The following PCDH15 variants were observed in gnomAD, a reference collection of about 807,000 sequenced individuals.
The protein encoded by PCDH15 is protocadherin-15.
A neutral mutation model predicts 178.5 loss-of-function variants in PCDH15; 129 were observed. The ratio of observed to expected loss-of-function variants is 0.72; its 90% confidence interval spans 0.63 to 0.84. The LOEUF (loss-of-function observed/expected upper bound fraction) is 0.84. Ranked by LOEUF, PCDH15 falls within the 40% of genes least tolerant of loss-of-function variation. The probability of loss-of-function intolerance (pLI) is 0.00; values close to 1 mark genes in which losing one functional copy is unlikely to be tolerated. For synonymous variants in PCDH15, 800 were observed against 732.0 expected (o/e 1.09, Z -1.50); for missense variants, 2,230 against 2,099.9 (o/e 1.06, Z -1.21).
chr10:55,608,191 T>C (rs1322386630), intron 2 of PCDH15, among the ~76,000 whole-genome samples: 1 of 150,590 alleles, frequency 6.6e-6, no homozygotes, highest in African/African-American at 2.4e-5. Flanking sequence ...ACACAGCGAG[T>C]GACTATAATT....
At chr10:53,943,509 AC>A (rs1474762582) in intron 23 of PCDH15, among the ~76,000 whole-genome samples, 12 of 152,100 alleles carry the variant, frequency 7.9e-5, no homozygotes, top group Admixed American at 1.3e-4. Context: ...AACAAAAAAA[AC>A]AAAACAGAAA....
At chr10:55,596,439 C>A (rs1161622174) in intron 2 of PCDH15, among the ~76,000 whole-genome samples, 1 of 152,034 alleles carries the variant, frequency 6.6e-6, no homozygotes, top group African/African-American at 2.4e-5. Flanking sequence ...AAAGTTTCAA[C>A]TCTGCACCAT....
chr10:54,509,450 TC>T (rs1288879546), intron 3 of PCDH15, among the ~76,000 whole-genome samples: 2 of 152,122 alleles, frequency 1.3e-5, no homozygotes, highest in African/African-American at 4.8e-5. Context: ...GATCTGTGAG[TC>T]CATTAAACCT....
At chr10:55,394,830 T>C (rs1156657091) in intron 2 of PCDH15, among the ~76,000 whole-genome samples, 1 of 152,148 alleles carries the variant, frequency 6.6e-6, no homozygotes, top group Admixed American at 6.6e-5. Flanking sequence ...TTTGTCTCTA[T>C]ACATGTGCTC....
At position 54,244,240 on chromosome 10, in the gene PCDH15, A is replaced by G. The variant is rs149469493; in HGVS notation, c.877-7309T>C. 7.7e-3 allele frequency among the ~76,000 whole-genome samples: 1,167 copies of G among 152,216 alleles called. 10 individuals are homozygous for G. The highest frequency in any genetic ancestry group is 0.026 in the African/African-American group (1,093 of 41,532). On this transcript the variant is annotated intron_variant, in intron 8 of 37. Transcript: ENST00000644397. ...ATAATGTGACTGAATTTGTTTCCAA[A>G]ATGTGCATTTCAGTATCCTCTCAAT...
At position 55,603,917 on chromosome 10, in the gene PCDH15, A is replaced by G. The variant is rs1354176599; in HGVS notation, c.-156+23708T>C. 2.1e-5 allele frequency among the ~76,000 whole-genome samples: 3 copies of G among 145,820 alleles called. No individual in the cohort carries two copies. The East Asian group carries it at 6.1e-4, about 29-fold the overall frequency. On this transcript the variant is annotated intron_variant, in intron 2 of 5. Transcript: ENST00000613346. ...CAGTATTAACTTTAAATGTAAATGG[A>G]CTAAATGCTCCAATTAAAAGACACA...
At chr10:55,538,526 CTTCCTTCCTCCT>C (rs1564442044) in intron 2 of PCDH15, among the ~76,000 whole-genome samples, 12 of 136,172 alleles carry the variant, frequency 8.8e-5, no homozygotes, top group Admixed American at 7.3e-5. Flanking sequence ...TCCTTCCTCC[CTTCCTTCCTCCT>C]TTCCTTCCTT....
chr10:55,179,710 T>C (rs1313478051), intron 1 of PCDH15, among the ~76,000 whole-genome samples: 2 of 151,926 alleles, frequency 1.3e-5, no homozygotes, highest in Admixed American at 6.6e-5. Context: ...CTCTTGGTTG[T>C]GGGACAAGAA....
At chr10:54,912,460 G>A (rs893753739) in intron 2 of PCDH15, among the ~76,000 whole-genome samples, 1 of 152,082 alleles carries the variant, frequency 6.6e-6, no homozygotes, top group Admixed American at 6.6e-5. Context: ...CCTGCTCCAC[G>A]AGGTGAAGAT....
intron 21 of PCDH15, among the ~76,000 whole-genome samples, chr10:53,982,269 T>C (rs900716120): frequency 5.9e-5 from 9 of 152,194 alleles, no homozygotes; most frequent in African/African-American, 2.2e-4. Flanking sequence ...TGGCGATTCC[T>C]CAGGGATCTA....
chr10:54,334,142 A>C (rs1655761193), intron 6 of PCDH15, among the ~76,000 whole-genome samples: 1 of 152,184 alleles, frequency 6.6e-6, no homozygotes, highest in African/African-American at 2.4e-5. Flanking sequence ...CACACGCCCC[A>C]AACACCTGGC....
At chr10:54,552,110 G>A (rs2086682910) in intron 2 of PCDH15, among the ~76,000 whole-genome samples, 2 of 151,954 alleles carry the variant, frequency 1.3e-5, no homozygotes, top group African/African-American at 4.8e-5. Flanking sequence ...TCCCTGCTAT[G>A]TTTATTTTAC....
chr10:55,455,943 T>C (rs186244974), intron 2 of PCDH15, among the ~76,000 whole-genome samples: 2 of 152,260 alleles, frequency 1.3e-5, no homozygotes, highest in African/African-American at 2.4e-5. Context: ...TCCTACGTAA[T>C]GAACTACAAC....
chr10:54,501,847 G>A (rs1347454468), intron 3 of PCDH15, among the ~76,000 whole-genome samples: 2 of 151,884 alleles, frequency 1.3e-5, no homozygotes, highest in Admixed American at 1.3e-4. Flanking sequence ...GGTTTTTAAT[G>A]TGTTATGATA....
chr10:55,461,346 G>A (rs963532432), intron 2 of PCDH15, among the ~76,000 whole-genome samples: 6 of 152,116 alleles, frequency 3.9e-5, no homozygotes, highest in African/African-American at 1.4e-4. Context: ...TAAATACAGT[G>A]CCTATTACAC....
intron 1 of PCDH15, among the ~76,000 whole-genome samples, chr10:54,756,720 A>AAGAGAGAG (rs61202887): frequency 7.3e-5 from 11 of 150,854 alleles, no homozygotes; most frequent in East Asian, 3.9e-4. Context: ...ATGTATGTGA[A>AAGAGAGAG]AGAGAGAGAG....
intron 21 of PCDH15, among the ~76,000 whole-genome samples, chr10:53,974,864 A>G (rs2090058746): frequency 6.6e-6 from 1 of 152,046 alleles, no homozygotes; most frequent in Non-Finnish European, 1.5e-5. Context: ...TTGGGGTACA[A>G]TTGATCCAGT....
chr10:54,317,228 T>C (rs1460312449), intron 8 of PCDH15, 43 bp downstream of exon 8: 1 of 1,593,396 alleles, frequency 6.3e-7, no homozygotes, highest in Non-Finnish European at 8.6e-7. Flanking sequence ...CCATTGGGTT[T>C]TAAAACATGC....
At chr10:55,022,112 C>A (rs996614522) in intron 2 of PCDH15, among the ~76,000 whole-genome samples, 4 of 151,794 alleles carry the variant, frequency 2.6e-5, no homozygotes, top group Non-Finnish European at 4.4e-5. Flanking sequence ...TTCAAAATAT[C>A]TATTTTACAG....
Sources: gnomAD v4.1 joint callset for allele counts (sites outside exome capture counted in the v4.1 genomes callset) on GRCh38, gnomAD v4.1.1 for gene constraint, MANE v1.5 for transcripts, NCBI Gene and HGNC (gene_info 2026-07-23, HGNC 2026-07-21) for gene names.